ADCY3: variants seen among roughly 807,000 people sequenced by gnomAD.
ADCY3 encodes adenylate cyclase 3.
A neutral mutation model predicts 119.4 loss-of-function variants in ADCY3; 70 were observed. The observed-to-expected ratio is 0.59, with a 90% CI of 0.48 to 0.72. The LOEUF is 0.72. Ranked by LOEUF, ADCY3 falls within the 30% of genes least tolerant of loss-of-function variation. ADCY3 has a pLI of 0.00. For missense variants in ADCY3, 1,238 were observed against 1,541.6 expected (o/e 0.80, Z 3.30); for synonymous variants, 672 against 621.4 (o/e 1.08, Z -1.21).
chr2:24,902,086 T>TG (rs1477020704), intron 2 of ADCY3, among the ~76,000 whole-genome samples: 2 of 147,014 alleles, frequency 1.4e-5, no homozygotes, highest in Non-Finnish European at 3.0e-5. Flanking sequence ...ATTTGGTTTT[T>TG]TTTTTTTTTT....
chr2:24,854,330 C>G (rs760295090), intron 3 of ADCY3, among the ~76,000 whole-genome samples: 2 of 152,182 alleles, frequency 1.3e-5, no homozygotes, highest in Non-Finnish European at 2.9e-5. Flanking sequence ...AGAGGAGTGG[C>G]CATATCACCC....
chr2:24,901,779 T>TAAAAA (rs5829948), intron 2 of ADCY3, among the ~76,000 whole-genome samples: 11 of 128,624 alleles, frequency 8.6e-5, no homozygotes, highest in Non-Finnish European at 1.5e-4. Context: ...ACCTCATCTT[T>TAAAAA]AAAAAAAAAA....
At chr2:24,868,885 A>G (rs1674632578) in intron 3 of ADCY3, among the ~76,000 whole-genome samples, 1 of 151,600 alleles carries the variant, frequency 6.6e-6, no homozygotes, top group Non-Finnish European at 1.5e-5. Flanking sequence ...TTAGCCGGGC[A>G]TGGTGGCAGG....
chr2:24,847,857 C>A (rs1301942447), intron 3 of ADCY3, among the ~76,000 whole-genome samples: 1 of 152,210 alleles, frequency 6.6e-6, no homozygotes, highest in Non-Finnish European at 1.5e-5. Flanking sequence ...GCTGAGGAGT[C>A]TGGAGGAGGC....
chr2:24,834,434 G>GCCCCCCCC lies in ADCY3; in HGVS notation c.1967+50_1967+51insGGGGGGGG. On this transcript the variant is annotated intron_variant, in intron 11 of 21. Coordinates refer to ENST00000679454, the MANE Select transcript of ADCY3 (RefSeq NM_004036.5). This position sits in a 1 kb window ranked among gnomAD's most constrained non-coding sequence, Gnocchi z 4.2. The stretch of plus-strand genomic sequence containing the variant: ...AGACACCTGCCCCCGCCCCCCGCCC[G>GCCCCCCCC]GCACCACCGCAGCCGAGGAAACTCG... 7.3e-7 allele frequency: 1 copy of GCCCCCCCC among 1,375,982 alleles called. No individual in the cohort carries two copies. The highest frequency in any genetic ancestry group is 9.4e-7 in the Non-Finnish European group (1 of 1,059,722). The allele number at this position is 1,375,982 out of a possible 1,614,324, so 85.2% of individuals were successfully genotyped here.
chr2:24,828,266 G>T, intron 13 of ADCY3, 105 bp from the exon 14 acceptor site: 1 of 1,385,892 alleles, frequency 7.2e-7, no homozygotes, highest in Non-Finnish European at 9.8e-7. Context: ...ACCTCCCGCG[G>T]CTCCCCCAGA....
At chr2:24,907,357 G>A (rs528676753) in intron 2 of ADCY3, among the ~76,000 whole-genome samples, 2 of 152,286 alleles carry the variant, frequency 1.3e-5, no homozygotes, top group South Asian at 2.1e-4. Flanking sequence ...GAAATCTTGC[G>A]AAAGTTCAAG....
intron 7 of ADCY3, 34 bp from the exon 8 acceptor site, chr2:24,838,656 C>G: frequency 6.2e-7 from 1 of 1,610,690 alleles, no homozygotes. Flanking sequence ...TGAGCGTCGG[C>G]CAGAGGTGGC....
intron 18 of ADCY3, 59 bp downstream of exon 18, chr2:24,823,150 G>A: frequency 1.3e-6 from 2 of 1,568,372 alleles, no homozygotes; most frequent in Non-Finnish European, 1.7e-6. Context: ...CCTATTGTAG[G>A]ATGTGATGTG....
At position 24,838,448 on chromosome 2, in the gene ADCY3, G is replaced by T; in HGVS notation, c.1530C>A (p.Gly510=). The T allele has an allele frequency of 6.2e-7, 1 of 1,612,260 alleles. No individual in the cohort carries two copies. Among genetic ancestry groups the T allele is most frequent in the East Asian group, 2.2e-5 (1 of 44,870 alleles). ...KKTATQNGLN[G]SALPNGAPAS... Reference sequence around the variant, plus strand: ...TGGGGTGGGGTGGGGAACTCACCGAGCCATTGAGGCCATTCTGGGTGGCTG... The same window carrying T: ...TGGGGTGGGGTGGGGAACTCACCGATCCATTGAGGCCATTCTGGGTGGCTG... The change falls in exon 8 of 22, where the codon GGC becomes GGA. Residue 510 remains glycine, a synonymous_variant. Transcript: ENST00000679454.
chr2:24,891,226 C>A (rs1301356206), intron 2 of ADCY3, among the ~76,000 whole-genome samples: 1 of 152,122 alleles, frequency 6.6e-6, no homozygotes, highest in African/African-American at 2.4e-5. Context: ...TCACTTTTTG[C>A]ATTTTCAGCT....
intron 2 of ADCY3, among the ~76,000 whole-genome samples, chr2:24,880,216 C>T (rs1467563702): frequency 2.6e-5 from 4 of 152,244 alleles, no homozygotes; most frequent in Non-Finnish European, 5.9e-5. Context: ...GAATAGGCAT[C>T]CAGCCCATCT....
intron 12 of ADCY3, among the ~76,000 whole-genome samples, 167 bp from the exon 13 acceptor site, chr2:24,830,992 G>A (rs1359110163): frequency 1.3e-5 from 2 of 152,126 alleles, no homozygotes. Context: ...CTGAGAAGAG[G>A]GCGTGGGAGT....
At chr2:24,849,277 A>G (rs1460614096) in intron 3 of ADCY3, among the ~76,000 whole-genome samples, 1 of 152,080 alleles carries the variant, frequency 6.6e-6, no homozygotes, top group East Asian at 1.9e-4. Flanking sequence ...GCCCCTGACC[A>G]CAGTACTGGT....
At chr2:24,869,206 T>C (rs1156676991) in intron 3 of ADCY3, among the ~76,000 whole-genome samples, 1 of 151,978 alleles carries the variant, frequency 6.6e-6, no homozygotes, top group Non-Finnish European at 1.5e-5. Context: ...AGACAAAAGA[T>C]AAAAAGAAAA....
intron 2 of ADCY3, among the ~76,000 whole-genome samples, chr2:24,896,696 A>T (rs1259286029): frequency 6.6e-6 from 1 of 152,014 alleles, no homozygotes; most frequent in African/African-American, 2.4e-5. Context: ...GCATGAGCAG[A>T]TTGATATTCA....
intron 3 of ADCY3, among the ~76,000 whole-genome samples, chr2:24,859,117 A>G (rs952246079): frequency 2.0e-5 from 3 of 152,228 alleles, no homozygotes; most frequent in African/African-American, 4.8e-5. Flanking sequence ...AATATTAGAT[A>G]TCTTTGTGGG....
intron 2 of ADCY3, among the ~76,000 whole-genome samples, chr2:24,880,816 G>A (rs1302380292): frequency 1.3e-5 from 2 of 152,144 alleles, no homozygotes; most frequent in Non-Finnish European, 2.9e-5. Flanking sequence ...AGGAGTTCGA[G>A]ACCAGCCTGG....
intron 2 of ADCY3, among the ~76,000 whole-genome samples, chr2:24,891,295 C>A (rs915337136): frequency 3.9e-5 from 6 of 152,090 alleles, no homozygotes; most frequent in Admixed American, 6.6e-5. Context: ...ATAAATAATT[C>A]ATAAGTTTTA....
Sources: allele counts gnomAD v4.1 joint callset (sites outside exome capture counted in the v4.1 genomes callset), GRCh38; gene constraint gnomAD v4.1.1; non-coding constraint Gnocchi (gnomAD v3.1); transcripts MANE v1.5; gene names NCBI Gene and HGNC (gene_info 2026-07-23, HGNC 2026-07-21).